Variants in SNX25 observed in about 807,000 individuals in gnomAD.
SNX25 encodes sorting nexin-25.
Under a neutral mutation model 113.7 loss-of-function variants are expected in SNX25, and 62 were observed. The observed-to-expected ratio is 0.55, with a 90% confidence interval of 0.44 to 0.67. The LOEUF (loss-of-function observed/expected upper bound fraction) is 0.67. SNX25 is among the 30% of genes least tolerant of loss of function. SNX25 has a pLI of 0.00. For synonymous variants in SNX25, 421 were observed against 436.2 expected (o/e 0.97, Z 0.43); for missense variants, 1,014 against 1,161.0 (o/e 0.87, Z 1.84).
At chr4:185,222,270 C>A (rs1163776445) in intron 1 of SNX25, among the ~76,000 whole-genome samples, 1 of 19,828 alleles carries the variant, frequency 5.0e-5, no homozygotes, top group Non-Finnish European at 1.3e-4. Context: ...GCACCATATA[C>A]CCCTCCTTCG....
At chr4:185,373,087 A>T (rs2095421370), downstream of SNX25, 1 of 1,600,330 alleles carries the variant, frequency 6.2e-7, no homozygotes, top group Non-Finnish European at 8.6e-7. Context: ...TGCCTAAGAA[A>T]AGCACAGTTT....
chr4:185,308,172 T>C (rs1754732277), intron 6 of SNX25, among the ~76,000 whole-genome samples: 1 of 152,208 alleles, frequency 6.6e-6, no homozygotes, highest in African/African-American at 2.4e-5. Flanking sequence ...TGCCTTCAGG[T>C]ATATATACAC....
chr4:185,244,569 A>G (rs2126475888), intron 1 of SNX25, among the ~76,000 whole-genome samples: 1 of 152,314 alleles, frequency 6.6e-6, no homozygotes, highest in East Asian at 1.9e-4. Flanking sequence ...AATAAAATCT[A>G]GACCATTTAT....
At chr4:185,266,890 G>T in intron 4 of SNX25, 79 bp from the exon 5 acceptor site, 1 of 1,390,642 alleles carries the variant, frequency 7.2e-7, no homozygotes, top group African/African-American at 1.4e-5. Context: ...CCCAAATGTA[G>T]TCTCAGTTAT....
chr4:185,219,796 A>G (rs1186900500), intron 1 of SNX25, among the ~76,000 whole-genome samples: 1 of 152,132 alleles, frequency 6.6e-6, no homozygotes, highest in Non-Finnish European at 1.5e-5. Context: ...ATCAACTCAT[A>G]AAAATATATA....
chr4:185,370,631 A>G, downstream of SNX25: 2 of 1,612,138 alleles, frequency 1.2e-6, no homozygotes, highest in Non-Finnish European at 1.7e-6. Flanking sequence ...ATTTTGTTCT[A>G]AAGCTTACTT....
chr4:185,267,709 T>G (rs1748332496), intron 5 of SNX25, among the ~76,000 whole-genome samples: 1 of 150,856 alleles, frequency 6.6e-6, no homozygotes, highest in South Asian at 2.1e-4. Flanking sequence ...CCAGCCTGGG[T>G]GACAGAGTGA....
At chr4:185,212,485 G>GTTTTTTT (rs752474119) in intron 1 of SNX25, among the ~76,000 whole-genome samples, 2 of 48,338 alleles carry the variant, frequency 4.1e-5, no homozygotes, top group Non-Finnish European at 8.7e-5. Flanking sequence ...GTGTGTGTGT[G>GTTTTTTT]TGTGTGTTTT....
chr4:185,256,748 C>CAAG (rs1394889769), intron 2 of SNX25, among the ~76,000 whole-genome samples: 3 of 151,672 alleles, frequency 2.0e-5, no homozygotes, highest in Non-Finnish European at 4.4e-5. Flanking sequence ...ACCTCAGCCC[C>CAAG]AAGTAGCTGG....
intron 1 of SNX25, among the ~76,000 whole-genome samples, chr4:185,240,095 A>G (rs1256979905): frequency 6.6e-6 from 1 of 151,872 alleles, no homozygotes; most frequent in East Asian, 1.9e-4. Context: ...AAGGTCATAG[A>G]TCAACAGGAT....
downstream of SNX25, among the ~76,000 whole-genome samples, chr4:185,372,250 G>A (rs988950339): frequency 6.6e-6 from 1 of 152,156 alleles, no homozygotes; most frequent in Non-Finnish European, 1.5e-5. Flanking sequence ...TGCTATAAAG[G>A]TATTCTCTTC....
intron 13 of SNX25, among the ~76,000 whole-genome samples, chr4:185,350,825 G>A (rs181073373): frequency 2.2e-3 from 342 of 152,298 alleles, no homozygotes; most frequent in Admixed American, 5.6e-3. Context: ...TGGCGCCACT[G>A]CACGACATCC....
chr4:185,267,886 AG>A (rs1442150362), intron 5 of SNX25, among the ~76,000 whole-genome samples: 1 of 152,222 alleles, frequency 6.6e-6, no homozygotes, highest in African/African-American at 2.4e-5. Flanking sequence ...GCTGGAGAAA[AG>A]AAAATATTAT....
intron 12 of SNX25, among the ~76,000 whole-genome samples, chr4:185,345,936 C>A (rs914363811): frequency 3.3e-5 from 5 of 152,176 alleles, no homozygotes; most frequent in Admixed American, 6.5e-5. Context: ...CAGCTCACTG[C>A]AGCCTCCACC....
At chr4:185,348,697 A>T (rs2126736957) in intron 13 of SNX25, among the ~76,000 whole-genome samples, 1 of 152,260 alleles carries the variant, frequency 6.6e-6, no homozygotes, top group South Asian at 2.1e-4. Flanking sequence ...GTGCCCAGCC[A>T]CATTTATCAT....
chr4:185,267,182 C>A lies in SNX25; in HGVS notation c.1091+27C>A, dbSNP rs780866204. 5.7e-6 allele frequency: 9 copies of A among 1,590,314 alleles called. No individual in the cohort carries two copies. In the African/African-American group the frequency reaches 1.1e-4, roughly 19 times the overall value. On this transcript the variant is annotated intron_variant, in intron 5 of 18. Transcript: ENST00000652585. The stretch of plus-strand genomic sequence containing the variant: ...TATTTGGTCTTCAATTATAGCACAG[C>A]AACAGCTACTGATTATCATCCCCTG...
At chr4:185,305,801 T>C (rs867412048) in intron 6 of SNX25, among the ~76,000 whole-genome samples, 1 of 152,186 alleles carries the variant, frequency 6.6e-6, no homozygotes, top group African/African-American at 2.4e-5. Context: ...CAGTAAATAT[T>C]TGAACTAATT....
downstream of SNX25, chr4:185,370,563 C>T (rs2095411379): frequency 1.2e-5 from 17 of 1,462,414 alleles, no homozygotes; most frequent in South Asian, 5.0e-5. Flanking sequence ...AACACTAATC[C>T]GTAAAACTAT....
chr4:185,246,569 T>G (rs372806964), intron 1 of SNX25, among the ~76,000 whole-genome samples: 1 of 152,334 alleles, frequency 6.6e-6, no homozygotes, highest in East Asian at 1.9e-4. Context: ...GGTTTTCTTT[T>G]GAGTTATTTT....
Sources: allele counts gnomAD v4.1 joint callset (sites outside exome capture counted in the v4.1 genomes callset), GRCh38; gene constraint gnomAD v4.1.1; transcripts MANE v1.5; gene names NCBI Gene and HGNC (gene_info 2026-07-23, HGNC 2026-07-21).